HIPK2: variants seen among roughly 807,000 people sequenced by gnomAD.
HIPK2 encodes the protein homeodomain interacting protein kinase 2.
In HIPK2, 27 loss-of-function variants were observed where a neutral mutation model predicts 113.7. The ratio of observed to expected loss-of-function variants is 0.24; its 90% CI spans 0.17 to 0.33. HIPK2 has a LOEUF of 0.33. HIPK2 is among the 10% of genes least tolerant of loss of function. HIPK2 has a pLI of 1.00. For synonymous variants in HIPK2, 631 were observed against 642.2 expected, an observed-to-expected ratio of 0.98 and a Z score of 0.26; for missense variants, 1,257 against 1,588.0, an observed-to-expected ratio of 0.79 and a Z score of 3.54.
At chr7:139,680,550 TGGGTACTGAATGTCCCCA>T (rs1802664712) in intron 2 of HIPK2, among the ~76,000 whole-genome samples, 1 of 152,230 alleles carries the variant, frequency 6.6e-6, no homozygotes, top group Admixed American at 6.5e-5. Context: ...TTGGCAGACA[TGGGTACTGAATGTCCCCA>T]GGAACAAAGT....
At chr7:139,751,372 T>C (rs1483488519) in intron 1 of HIPK2, among the ~76,000 whole-genome samples, 1 of 152,088 alleles carries the variant, frequency 6.6e-6, no homozygotes, top group Admixed American at 6.6e-5. Context: ...ACCTCCCCTT[T>C]GTGTGACTCA....
At chr7:139,741,889 G>A (rs555457962) in intron 1 of HIPK2, among the ~76,000 whole-genome samples, 3 of 152,338 alleles carry the variant, frequency 2.0e-5, no homozygotes, top group Non-Finnish European at 4.4e-5. Context: ...ATAAGAACGT[G>A]AACTTGATCT....
At chr7:139,648,832 C>A (rs1033407359) in intron 2 of HIPK2, among the ~76,000 whole-genome samples, 1 of 151,448 alleles carries the variant, frequency 6.6e-6, no homozygotes, top group African/African-American at 2.4e-5. Flanking sequence ...TCAGTGTGGA[C>A]AAATATTTGT....
intron 2 of HIPK2, among the ~76,000 whole-genome samples, chr7:139,638,803 G>A (rs893352135): frequency 1.3e-5 from 2 of 151,714 alleles, no homozygotes; most frequent in Admixed American, 6.6e-5. Flanking sequence ...GACTACAGGC[G>A]CCCACCACCA....
intron 2 of HIPK2, among the ~76,000 whole-genome samples, chr7:139,675,047 G>T (rs1300749731): frequency 6.6e-6 from 1 of 152,150 alleles, no homozygotes; most frequent in Non-Finnish European, 1.5e-5. Flanking sequence ...TCTAATTTTA[G>T]TTCTATTGTA....
At chr7:139,762,879 A>C (rs1038611811) in intron 1 of HIPK2, among the ~76,000 whole-genome samples, 5 of 152,234 alleles carry the variant, frequency 3.3e-5, no homozygotes, top group African/African-American at 1.2e-4. Context: ...AAGTGGGTTC[A>C]TGAAAATTGT....
At position 139,572,076 on chromosome 7, in the gene HIPK2, C is replaced by T. The variant is rs1167096627; in HGVS notation, c.*851G>A. 6.6e-6 allele frequency: 1 copy of T among 152,192 alleles called. No individual in the cohort carries two copies. The highest frequency in any genetic ancestry group is 2.4e-5 in the African/African-American group (1 of 41,438). 9.4% of individuals were successfully genotyped at this position (152,192 alleles called of 1,614,324 possible). A position where few individuals can be genotyped will look rare whatever the true frequency, so the allele number is the denominator to read the frequency against. On this transcript the variant is annotated 3_prime_UTR_variant, in exon 15 of 15. Coordinates refer to ENST00000406875, the MANE Select transcript of HIPK2 (RefSeq NM_022740.5). ...TGTGACGACCGCTAGCCCTACGCTACGCGACTAGGGGTGGATTCAAAGAGA... is the reference window on the plus strand; with the variant it reads ...TGTGACGACCGCTAGCCCTACGCTATGCGACTAGGGGTGGATTCAAAGAGA...
At chr7:139,638,656 CTTTTTT>C (rs1184555180) in intron 2 of HIPK2, among the ~76,000 whole-genome samples, 4 of 130,262 alleles carry the variant, frequency 3.1e-5, no homozygotes, top group Non-Finnish European at 6.4e-5. Context: ...AAATAATTGT[CTTTTTT>C]TTTTTTTTTT....
intron 4 of HIPK2, among the ~76,000 whole-genome samples, chr7:139,629,382 G>A (rs537319366): frequency 6.6e-6 from 1 of 152,294 alleles, no homozygotes; most frequent in Admixed American, 6.5e-5. Context: ...GAAAAGCAAA[G>A]GGCTTTCCCA....
chr7:139,653,524 C>G (rs7787135), intron 2 of HIPK2, among the ~76,000 whole-genome samples: 125,446 of 150,772 alleles, frequency 0.83, 52,786 homozygotes, highest in African/African-American at 0.91. Flanking sequence ...CCTCCTGTTA[C>G]AGACATGCCA....
intron 6 of HIPK2, among the ~76,000 whole-genome samples, chr7:139,625,945 G>A (rs1046572600): frequency 5.9e-5 from 9 of 152,080 alleles, no homozygotes; most frequent in African/African-American, 9.7e-5. Context: ...CTAGTTTTGC[G>A]CTACAGAGAC....
chr7:139,665,464 T>C (rs1364779982), intron 2 of HIPK2, among the ~76,000 whole-genome samples: 1 of 152,222 alleles, frequency 6.6e-6, no homozygotes, highest in African/African-American at 2.4e-5. Flanking sequence ...ATCAGGAATT[T>C]GCTGTGTCTT....
At chr7:139,684,297 T>C (rs946273649) in intron 2 of HIPK2, among the ~76,000 whole-genome samples, 2 of 152,176 alleles carry the variant, frequency 1.3e-5, no homozygotes, top group East Asian at 1.9e-4. Context: ...TACAATAATA[T>C]GGAAATTAGG....
chr7:139,772,010 A>C (rs1246698538), intron 1 of HIPK2, among the ~76,000 whole-genome samples: 1 of 152,202 alleles, frequency 6.6e-6, no homozygotes, highest in Admixed American at 6.5e-5. Context: ...TCCTGGAAAA[A>C]ATAATTAAAT....
chr7:139,597,027 A>G (rs775268897), intron 11 of HIPK2, 29 bp from the exon 12 acceptor site: 2 of 1,568,256 alleles, frequency 1.3e-6, no homozygotes, highest in South Asian at 2.3e-5. Flanking sequence ...ACTCTCACAC[A>G]GAGGAAGGTC....
chr7:139,759,349 G>T (rs1294001922), intron 1 of HIPK2, among the ~76,000 whole-genome samples: 1 of 152,188 alleles, frequency 6.6e-6, no homozygotes. Context: ...GTAGAATACG[G>T]TATAAACCCT....
At position 139,630,946 on chromosome 7, in the gene HIPK2, G is replaced by A. The variant is rs1800590400; in HGVS notation, c.1347+219C>T. On this transcript the variant is annotated intron_variant, in intron 4 of 14. Coordinates refer to ENST00000406875, the MANE Select transcript of HIPK2 (RefSeq NM_022740.5). This position sits in a 1 kb window ranked among gnomAD's most constrained non-coding sequence, Gnocchi z 4.0. Reference sequence around the variant, plus strand: ...TCAAGGCTTATCGGATTAAATCCTGGGAGTTCAGCAATCATAAGGTTGGAC... The same window carrying A: ...TCAAGGCTTATCGGATTAAATCCTGAGAGTTCAGCAATCATAAGGTTGGAC... 6.6e-6 allele frequency among the ~76,000 whole-genome samples: 1 copy of A among 152,210 alleles called. No homozygotes were observed. Among genetic ancestry groups the A allele is most frequent in the Admixed American group, 6.5e-5 (1 of 15,292 alleles).
chr7:139,608,609 T>G (rs28572288), intron 9 of HIPK2, among the ~76,000 whole-genome samples: 16,813 of 152,076 alleles, frequency 0.11, 1,019 homozygotes, highest in Middle Eastern at 0.15. Context: ...CTAATTCCAG[T>G]GCCCATGCTT....
intron 10 of HIPK2, among the ~76,000 whole-genome samples, chr7:139,603,207 T>A (rs7793949): frequency 6.6e-6 from 1 of 152,012 alleles, no homozygotes; most frequent in East Asian, 1.9e-4. Context: ...AGGTTCCCTG[T>A]GTGATATGGA....
Sources: allele counts gnomAD v4.1 joint callset (sites outside exome capture counted in the v4.1 genomes callset), GRCh38; gene constraint gnomAD v4.1.1; non-coding constraint Gnocchi (gnomAD v3.1); transcripts MANE v1.5; gene names NCBI Gene and HGNC (gene_info 2026-07-23, HGNC 2026-07-21).